Variants in CEP290 observed in about 807,000 individuals in gnomAD.
CEP290 encodes centrosomal protein 290.
A neutral mutation model predicts 344.9 loss-of-function variants in CEP290; 317 were observed. The observed-to-expected ratio is 0.92, with a 90% CI of 0.84 to 1.01. CEP290 has a LOEUF of 1.01. CEP290 is among the 50% of genes least tolerant of loss of function. CEP290 has a pLI of 0.00. For missense variants in CEP290, 2,754 were observed against 2,761.4 expected (o/e 1.00, Z 0.06); for synonymous variants, 932 against 895.8 (o/e 1.04, Z -0.72).
chr12:88,089,465 A>G lies in CEP290; in HGVS notation c.3596T>C (p.Leu1199Pro), dbSNP rs1268460229. 1.9e-6 allele frequency: 3 copies of G among 1,555,250 alleles called. No homozygotes were observed. In the South Asian group the frequency reaches 3.6e-5, roughly 19 times the overall value. The change falls in exon 31 of 54, where the codon CTC becomes CCC. Residue 1199 changes from leucine (L) to proline (P), a missense_variant. Transcript: ENST00000552810. ...DYQAQSDEKS[L>P]IAKLHQHNVS... is the part of the protein sequence containing the mutation. ...ATTATGTTGGTGCAACTTGGCAATG[A>G]GCGACTTTTCATCAGACTGTGCCTG... is the stretch of plus-strand genomic sequence containing the variant.
chr12:88,111,043 A>T (rs768581827), intron 22 of CEP290, among the ~76,000 whole-genome samples, 159 bp downstream of exon 22: 1 of 152,222 alleles, frequency 6.6e-6, no homozygotes, highest in East Asian at 1.9e-4. Flanking sequence ...TCAGGAATAC[A>T]TGAAGACTAA....
At chr12:88,053,289 T>C (rs913240262) in intron 52 of CEP290, among the ~76,000 whole-genome samples, 2 of 152,052 alleles carry the variant, frequency 1.3e-5, no homozygotes, top group Admixed American at 1.3e-4. Flanking sequence ...ATAGGCAGTA[T>C]TTACTTATTT....
rs1565861017 is a variant in CEP290 at position 88,097,018 on chromosome 12, T to C, written c.2992-19A>G. ...TTTCACACTGAATAAAGGAAAAATA[T>C]CACTAAGAAACTACATTGTAATTCA... On this transcript the variant is annotated intron_variant, in intron 26 of 53. Transcript: ENST00000552810. The C allele has an allele frequency of 3.2e-6, 4 of 1,255,006 alleles. No individual in the cohort carries two copies. The allele number at this position is 1,255,006 out of a possible 1,614,324, so 77.7% of individuals were successfully genotyped here.
At chr12:88,129,670 A>C (rs911361145) in intron 10 of CEP290, 24 bp downstream of exon 10, 12 of 1,268,934 alleles carry the variant, frequency 9.5e-6, no homozygotes, top group Non-Finnish European at 1.3e-5. Context: ...TGAATAAATA[A>C]GTTATTCTAA....
At position 88,111,691 on chromosome 12, in the gene CEP290, C is replaced by G. The variant is rs765291878; in HGVS notation, c.2217+3G>C. On this transcript the variant is annotated splice_donor_region_variant and intron_variant, in intron 21 of 53. Coordinates refer to ENST00000552810, the MANE Select transcript of CEP290 (RefSeq NM_025114.4). ...ATTTTCTTTTATTTAATAAAATTCT[C>G]ACCTTTAAATTAGCTTTTGCCAACT... 9 of 1,558,120 alleles carry G rather than the reference C, an allele frequency of 5.8e-6. No individual in the cohort carries two copies. Among genetic ancestry groups the G allele is most frequent in the Non-Finnish European group, 6.9e-6 (8 of 1,160,146 alleles).
At chr12:88,121,269 A>C in intron 13 of CEP290, 103 bp from the exon 14 acceptor site, 1 of 781,332 alleles carries the variant, frequency 1.3e-6, no homozygotes, top group Non-Finnish European at 2.0e-6. Context: ...ATTAAAAAAA[A>C]ATCCTTTAAA....
intron 37 of CEP290, among the ~76,000 whole-genome samples, chr12:88,082,154 A>T (rs966519472): frequency 6.6e-6 from 1 of 152,224 alleles, no homozygotes; most frequent in Non-Finnish European, 1.5e-5. Context: ...CATAGAGATA[A>T]TATTATAATG....
chr12:88,055,572 T>C lies in CEP290; in HGVS notation c.6960+4A>G, dbSNP rs772663769. ...ATCATGTAAAGAAAAATTACGTTAC[T>C]TACCTGTTGTTCAAGGTCTTCATTG... On this transcript the variant is annotated splice_donor_region_variant and intron_variant, in intron 50 of 53. Coordinates refer to ENST00000552810, the MANE Select transcript of CEP290 (RefSeq NM_025114.4). 1 of 1,563,854 alleles carries C rather than the reference T, an allele frequency of 6.4e-7. No individual in the cohort carries two copies. The highest frequency in any genetic ancestry group is 8.6e-7 in the Non-Finnish European group (1 of 1,156,896).
Position 88,130,340 on chromosome 12 carries a change from C to A in CEP290, c.597G>T (p.Gly199=). ...SQKETLLSRR[G]EDSDYRSQLS... is the part of the protein sequence containing the mutation. The stretch of plus-strand genomic sequence containing the variant: ...ACTGTGATCGGTAGTCACTGTCTTC[C>A]CCTCTTCTTGATAAAAGTGTTTCTT... The change falls in exon 9 of 54, where the codon GGG becomes GGT. Residue 199 remains glycine (G), a synonymous_variant. Coordinates refer to ENST00000552810, the MANE Select transcript of CEP290 (RefSeq NM_025114.4). 1 of 1,609,364 alleles carries A rather than the reference C, an allele frequency of 6.2e-7. No individual in the cohort carries two copies. Among genetic ancestry groups the A allele is most frequent in the Non-Finnish European group, 8.5e-7 (1 of 1,178,130 alleles).
intron 25 of CEP290, among the ~76,000 whole-genome samples, chr12:88,106,146 A>C (rs1187227842): frequency 6.6e-6 from 1 of 152,220 alleles, no homozygotes; most frequent in Admixed American, 6.5e-5. Context: ...ATAGAACACT[A>C]CTTATGAAGT....
intron 6 of CEP290, among the ~76,000 whole-genome samples, chr12:88,135,398 A>G (rs2040300955): frequency 1.3e-5 from 2 of 152,184 alleles, no homozygotes; most frequent in African/African-American, 4.8e-5. Context: ...TCTATATAGA[A>G]GAACAAAAGT....
In CEP290 at chr12:88,126,372, T is replaced by A; in HGVS notation, c.1009A>T (p.Lys337Ter). ...GCATCAAGCTGAGCATTCTTAAGTT[T>A]CTCCCTTAGGTTATGTAACATTTGC... ...YQQMLHNLRE[K>*]LKNAQLDADK... is the part of the protein sequence containing the mutation. Residue 337 changes from lysine (K) to a stop codon, truncating the protein, a stop_gained, in exon 12 of 54, where the codon AAA becomes TAA. Transcript: ENST00000552810. LOFTEE classifies it high-confidence loss of function. The A allele has an allele frequency of 6.6e-7, 1 of 1,514,054 alleles. No homozygotes were observed. The highest frequency in any genetic ancestry group is 8.8e-7 in the Non-Finnish European group (1 of 1,135,916). The allele number at this position is 1,514,054 out of a possible 1,614,324, so 93.8% of individuals were successfully genotyped here.
chr12:88,084,336 T>G (rs554613986), intron 35 of CEP290, among the ~76,000 whole-genome samples: 1 of 152,236 alleles, frequency 6.6e-6, no homozygotes, highest in Non-Finnish European at 1.5e-5. Flanking sequence ...TCAATTAAAA[T>G]ATTTTTCAAA....
At chr12:88,115,908 T>G (rs1165204289) in intron 18 of CEP290, 2 of 984,416 alleles carry the variant, frequency 2.0e-6, no homozygotes, top group African/African-American at 1.7e-5. Context: ...TATCTCTGTC[T>G]GTAAGGGTAC....
Position 88,086,093 on chromosome 12 carries a change from C to A in CEP290, c.4383G>T (p.Lys1461Asn), listed in dbSNP as rs769732992. ...TTTCTAGAATTATTCGAATGTTCTC[C>A]TTAATTTTCCTTAGAGCGATCTCAA... ...NQLEIALRKI[K>N]ENIRIILETR... The change falls in exon 34 of 54, where the codon AAG becomes AAT. Residue 1461 changes from lysine to asparagine, a missense_variant. Lys to Asn is a moderately conservative substitution (Grantham distance 94). Coordinates refer to ENST00000552810, the MANE Select transcript of CEP290 (RefSeq NM_025114.4). 4.3e-6 allele frequency: 7 copies of A among 1,612,912 alleles called. No individual in the cohort carries two copies. The Admixed American group carries it at 1.0e-4, about 23-fold the overall frequency.
rs143110345 is a variant in CEP290, at chr12:88,105,016, G to T, written c.2817+1659C>A. ...TACATATTTTTCTAACTTGTCTACTGAGAGACTAGTGGCAATGATACTCTG... is the reference window on the plus strand; with the variant it reads ...TACATATTTTTCTAACTTGTCTACTTAGAGACTAGTGGCAATGATACTCTG... On this transcript the variant is annotated intron_variant, in intron 25 of 53. Coordinates refer to ENST00000552810, the MANE Select transcript of CEP290 (RefSeq NM_025114.4). Among the ~76,000 whole-genome samples the T allele has an allele frequency of 3.3e-5, 5 of 152,198 alleles. 1 individual carries two copies. The highest frequency in any genetic ancestry group is 1.2e-4 in the African/African-American group (5 of 41,534).
At chr12:88,104,329 T>C (rs1047715507) in intron 25 of CEP290, 1 of 152,040 alleles carries the variant, frequency 6.6e-6, no homozygotes, top group African/African-American at 2.4e-5. Flanking sequence ...GTCATGAACA[T>C]TGAACATTTA....
At chr12:88,081,938 C>T (rs2036227657) in intron 37 of CEP290, among the ~76,000 whole-genome samples, 1 of 152,150 alleles carries the variant, frequency 6.6e-6, no homozygotes, top group Admixed American at 6.5e-5. Context: ...TACACATATG[C>T]TGTTGCCAAT....
intron 20 of CEP290, among the ~76,000 whole-genome samples, chr12:88,113,616 C>A (rs181470731): frequency 6.6e-6 from 1 of 151,614 alleles, no homozygotes; most frequent in African/African-American, 2.4e-5. Context: ...TGACAATGTA[C>A]GCTAAATATG....
Sources: allele counts gnomAD v4.1 joint callset (sites outside exome capture counted in the v4.1 genomes callset), GRCh38; gene constraint gnomAD v4.1.1; transcripts MANE v1.5; gene names NCBI Gene and HGNC (gene_info 2026-07-23, HGNC 2026-07-21).